The following UNC79 variants were observed in gnomAD, a reference collection of about 807,000 sequenced individuals.
UNC79 encodes unc-79 subunit of NALCN channel complex, also known as protein unc-79 homolog.
A neutral mutation model predicts 283.1 loss-of-function variants in UNC79; 37 were observed. The observed-to-expected ratio is 0.13, with a 90% CI of 0.10 to 0.17. The LOEUF (loss-of-function observed/expected upper bound fraction) is 0.17. Among genes scored for constraint, UNC79 ranks in the 10% least tolerant of loss-of-function variants. UNC79 has a pLI of 1.00. For synonymous variants in UNC79, 1,107 were observed against 1,200.2 expected (o/e 0.92, Z 1.61); for missense variants, 2,272 against 3,211.1 (o/e 0.71, Z 7.07).
At chr14:93,436,994 A>G (rs2056106132) in intron 1 of UNC79, among the ~76,000 whole-genome samples, 1 of 152,056 alleles carries the variant, frequency 6.6e-6, no homozygotes, top group Non-Finnish European at 1.5e-5. Flanking sequence ...TTTCATTTTC[A>G]TTGGTCTCAG....
intron 2 of UNC79, among the ~76,000 whole-genome samples, chr14:93,468,367 G>A (rs1024833562): frequency 7.9e-5 from 12 of 152,134 alleles, no homozygotes; most frequent in Admixed American, 2.6e-4. Context: ...TTTGCTCCAC[G>A]TATCTTGATT....
intron 1 of UNC79, among the ~76,000 whole-genome samples, chr14:93,351,513 G>C (rs1388123134): frequency 1.3e-5 from 2 of 152,160 alleles, no homozygotes; most frequent in Admixed American, 1.3e-4. Flanking sequence ...CAGGTGTTAT[G>C]TGAGGTCAGT....
intron 7 of UNC79, among the ~76,000 whole-genome samples, chr14:93,517,569 C>T (rs1328234835): frequency 6.6e-6 from 1 of 151,002 alleles, no homozygotes; most frequent in East Asian, 1.9e-4. Flanking sequence ...TGCATTTTCT[C>T]TTTCTATTGA....
At chr14:93,542,218 G>C (rs1165663658) in intron 13 of UNC79, among the ~76,000 whole-genome samples, 1 of 152,070 alleles carries the variant, frequency 6.6e-6, no homozygotes, top group East Asian at 1.9e-4. Flanking sequence ...TTATATAATA[G>C]ATTCCTTGTA....
At chr14:93,526,618 G>C (rs1236793120) in intron 8 of UNC79, among the ~76,000 whole-genome samples, 4 of 152,076 alleles carry the variant, frequency 2.6e-5, no homozygotes, top group Non-Finnish European at 5.9e-5. Flanking sequence ...ACTTATTCAT[G>C]TGACACACAG....
At chr14:93,435,288 ACAT>A (rs899349320) in intron 1 of UNC79, among the ~76,000 whole-genome samples, 2 of 152,256 alleles carry the variant, frequency 1.3e-5, no homozygotes, top group African/African-American at 4.8e-5. Flanking sequence ...CTCTCGTCTT[ACAT>A]GACTTCTCTG....
chr14:93,464,290 G>C (rs996929058), intron 1 of UNC79, among the ~76,000 whole-genome samples: 1 of 152,236 alleles, frequency 6.6e-6, no homozygotes, highest in African/African-American at 2.4e-5. Flanking sequence ...TGAAGTCTGA[G>C]ATTGAGGTGT....
At chr14:93,521,303 C>G (rs952919067) in intron 7 of UNC79, among the ~76,000 whole-genome samples, 2 of 151,992 alleles carry the variant, frequency 1.3e-5, no homozygotes, top group African/African-American at 2.4e-5. Context: ...TTTTCTCTAT[C>G]CAGCCTCATA....
chr14:93,633,249 G>A (rs529446972), intron 31 of UNC79, among the ~76,000 whole-genome samples: 2 of 152,282 alleles, frequency 1.3e-5, no homozygotes, highest in East Asian at 1.9e-4. Context: ...ATTTCCATGA[G>A]TTAGGTTAAT....
chr14:93,550,298 G>C (rs2061805943), intron 14 of UNC79, among the ~76,000 whole-genome samples: 1 of 151,960 alleles, frequency 6.6e-6, no homozygotes, highest in South Asian at 2.1e-4. Context: ...GTCTCTGTGA[G>C]AGAGGAAAGA....
At chr14:93,477,891 G>A (rs922489541) in intron 4 of UNC79, among the ~76,000 whole-genome samples, 163 bp downstream of exon 4, 3 of 152,140 alleles carry the variant, frequency 2.0e-5, no homozygotes, top group East Asian at 1.9e-4. Flanking sequence ...ATATTATGGC[G>A]AAAGTCAAAG....
At chr14:93,357,698 T>TGG (rs1295905981) in intron 1 of UNC79, among the ~76,000 whole-genome samples, 179 of 120,120 alleles carry the variant, frequency 1.5e-3, no homozygotes, top group African/African-American at 6.4e-3. Context: ...TATATATATA[T>TGG]ATATATATAT....
chr14:93,357,822 GATATATGGATATGTAT>G (rs1192223626), intron 1 of UNC79, among the ~76,000 whole-genome samples: 1 of 84,272 alleles, frequency 1.2e-5, no homozygotes, highest in Admixed American at 1.6e-4. Context: ...TATATATATG[GATATATGGATATGTAT>G]ATATATGGAT....
chr14:93,522,884 G>C (rs1041746124), intron 7 of UNC79, among the ~76,000 whole-genome samples: 2 of 152,112 alleles, frequency 1.3e-5, no homozygotes, highest in Non-Finnish European at 2.9e-5. Context: ...CTAACAATGG[G>C]ATAGAAAGTT....
Position 93,471,577 on chromosome 14 carries a change from C to CT in UNC79, c.144-2500dup, listed in dbSNP as rs76040188. Reference sequence around the variant, plus strand: ...GTTAGGCAGTTTGGTTGGGGAAATACTTTTTTTTTTTTCTGAATAAACTTC... The same window carrying CT: ...GTTAGGCAGTTTGGTTGGGGAAATACTTTTTTTTTTTTTCTGAATAAACTTC... On this transcript the variant is annotated intron_variant, in intron 2 of 48. Transcript: ENST00000555664. Among the ~76,000 whole-genome samples, 326 of 146,100 alleles carry CT rather than the reference C, an allele frequency of 2.2e-3. 1 individual carries two copies. The highest frequency in any genetic ancestry group is 3.6e-3 in the Middle Eastern group (1 of 278).
chr14:93,662,583 T>C, intron 39 of UNC79, 21 bp from the exon 43 acceptor site: 1 of 1,515,894 alleles, frequency 6.6e-7, no homozygotes, highest in South Asian at 1.2e-5. Context: ...TTGACTTTAT[T>C]TGGCCCCAAT....
intron 35 of UNC79, among the ~76,000 whole-genome samples, chr14:93,653,000 G>A (rs1296270649): frequency 1.3e-5 from 2 of 152,150 alleles, no homozygotes; most frequent in African/African-American, 2.4e-5. Flanking sequence ...GCATTTCAGG[G>A]TAGATGTGGC....
intron 7 of UNC79, among the ~76,000 whole-genome samples, chr14:93,498,199 G>A (rs1480025133): frequency 3.3e-5 from 5 of 151,564 alleles, no homozygotes; most frequent in Admixed American, 3.3e-4. Flanking sequence ...CCCAGGAGGA[G>A]GAGGTTGCAA....
chr14:93,549,361 G>C (rs918150564), intron 14 of UNC79, among the ~76,000 whole-genome samples: 2 of 152,100 alleles, frequency 1.3e-5, no homozygotes, highest in Non-Finnish European at 2.9e-5. Context: ...GTTTATTTGA[G>C]TAGTAAGCCC....
Sources: gnomAD v4.1 joint callset for allele counts (sites outside exome capture counted in the v4.1 genomes callset) on GRCh38, gnomAD v4.1.1 for gene constraint, MANE v1.5 for transcripts, NCBI Gene and HGNC (gene_info 2026-07-23, HGNC 2026-07-21) for gene names.